Variants in CYB5R4 observed in about 807,000 individuals in gnomAD.
The protein encoded by CYB5R4 is N-terminal cytochrome b5 and cytochrome b5 oxidoreductase domain-containing protein.
A neutral mutation model predicts 70.2 loss-of-function variants in CYB5R4; 55 were observed. That is an observed-to-expected ratio of 0.78 (90% CI 0.63 to 0.98). The LOEUF is 0.98. CYB5R4 is among the 50% of genes least tolerant of loss of function. The pLI is 0.00. For synonymous variants in CYB5R4, 197 were observed against 199.5 expected (o/e 0.99, Z 0.11); for missense variants, 562 against 612.6 (o/e 0.92, Z 0.87).
chr6:83,875,342 C>T (rs991325924), intron 2 of CYB5R4, among the ~76,000 whole-genome samples: 2 of 152,044 alleles, frequency 1.3e-5, no homozygotes, highest in African/African-American at 4.8e-5. Context: ...AACTCCTGGG[C>T]TTAAGCGGTC....
intron 12 of CYB5R4, 24 bp from the exon 13 acceptor site, chr6:83,940,032 T>C (rs769187784): frequency 5.5e-6 from 8 of 1,463,782 alleles, no homozygotes; most frequent in East Asian, 4.7e-5. Context: ...TTTTTTCTGA[T>C]TTAGCTTATG....
chr6:83,910,239 C>A, intron 4 of CYB5R4: 1 of 1,090,180 alleles, frequency 9.2e-7, no homozygotes, highest in South Asian at 1.5e-5. Context: ...TAAAGTCAGT[C>A]AAAGTTCTTT....
intron 8 of CYB5R4, among the ~76,000 whole-genome samples, chr6:83,922,021 A>G (rs1397596819): frequency 3.9e-5 from 6 of 152,168 alleles, no homozygotes; most frequent in Admixed American, 3.3e-4. Context: ...TTGGAGAACA[A>G]TAAGAAAAGG....
At chr6:83,933,472 T>C (rs550676020) in intron 10 of CYB5R4, among the ~76,000 whole-genome samples, 1 of 152,290 alleles carries the variant, frequency 6.6e-6, no homozygotes, top group African/African-American at 2.4e-5. Flanking sequence ...CCCTTCACTT[T>C]CTAAGATCTG....
chr6:83,859,805 CT>C lies in CYB5R4; in HGVS notation c.26del (p.Phe9SerfsTer20). 6.2e-7 allele frequency: 1 copy of C among 1,613,564 alleles called. No individual in the cohort carries two copies. The highest frequency in any genetic ancestry group is 8.5e-7 in the Non-Finnish European group (1 of 1,179,860). MLNVPSQ[S>X]FPAPRSQQRV... ...AAGATGCTGAACGTCCCTTCCCAGT[CT>C]TTCCCGGCCCCCAGGTCGCAGCAGC... is the stretch of plus-strand genomic sequence containing the variant. On this transcript the variant is annotated frameshift_variant, in exon 1 of 16. Coordinates refer to ENST00000369681, the MANE Select transcript of CYB5R4 (RefSeq NM_016230.4). LOFTEE classifies it high-confidence loss of function.
In CYB5R4 at chr6:83,964,309, T is replaced by G. The variant is rs1002204875; in HGVS notation, c.*4431T>G. On this transcript the variant is annotated 3_prime_UTR_variant, in exon 16 of 16. Coordinates refer to ENST00000369681, the MANE Select transcript of CYB5R4 (RefSeq NM_016230.4). ...TTTGACAAAAATACTGATAATGATATGGACAATGAAATCTAGACTGAGGTG... is the reference window on the plus strand; with the variant it reads ...TTTGACAAAAATACTGATAATGATAGGGACAATGAAATCTAGACTGAGGTG... 1 of 152,868 alleles carries G rather than the reference T, an allele frequency of 6.5e-6. No homozygotes were observed. Among genetic ancestry groups the G allele is most frequent in the African/African-American group, 2.4e-5 (1 of 41,430 alleles). 9.5% of individuals were successfully genotyped at this position (152,868 alleles called of 1,614,324 possible). A position where few individuals can be genotyped will look rare whatever the true frequency, so the allele number is the denominator to read the frequency against.
intron 6 of CYB5R4, among the ~76,000 whole-genome samples, chr6:83,918,849 T>C (rs1241153225): frequency 1.3e-5 from 2 of 152,122 alleles, no homozygotes; most frequent in African/African-American, 4.8e-5. Context: ...AATTTTAAGT[T>C]AGGGACTAAG....
intron 14 of CYB5R4, among the ~76,000 whole-genome samples, chr6:83,941,864 T>C (rs2099469822): frequency 6.6e-6 from 1 of 152,198 alleles, no homozygotes; most frequent in African/African-American, 2.4e-5. Flanking sequence ...TTGGAAGCGT[T>C]TATCAAGAAG....
chr6:83,876,315 TA>T (rs1481762535), intron 2 of CYB5R4, among the ~76,000 whole-genome samples: 2 of 152,166 alleles, frequency 1.3e-5, no homozygotes, highest in East Asian at 3.8e-4. Flanking sequence ...TTTTTGTCAT[TA>T]AATACTTTTT....
intron 3 of CYB5R4, among the ~76,000 whole-genome samples, chr6:83,895,504 G>A (rs993405237): frequency 2.0e-5 from 3 of 151,988 alleles, no homozygotes; most frequent in Non-Finnish European, 4.4e-5. Context: ...AAATAGAAAG[G>A]TTTAGGAACA....
chr6:83,873,698 AT>A (rs2099458019), intron 2 of CYB5R4, among the ~76,000 whole-genome samples: 1 of 152,208 alleles, frequency 6.6e-6, no homozygotes, highest in Non-Finnish European at 1.5e-5. Context: ...ATGCGTGTGC[AT>A]TACACCAGGT....
chr6:83,904,132 ATTGT>A, intron 3 of CYB5R4, among the ~76,000 whole-genome samples: 1 of 151,988 alleles, frequency 6.6e-6, no homozygotes, highest in South Asian at 2.1e-4. Flanking sequence ...ACATTGTTAG[ATTGT>A]TTATTTGAAA....
intron 12 of CYB5R4, among the ~76,000 whole-genome samples, chr6:83,938,554 G>A (rs1478859912): frequency 6.6e-6 from 1 of 152,154 alleles, no homozygotes; most frequent in Admixed American, 6.5e-5. Context: ...TCCTCAATGG[G>A]ACATGTAATG....
intron 3 of CYB5R4, among the ~76,000 whole-genome samples, chr6:83,899,083 A>G (rs1588568963): frequency 6.6e-6 from 1 of 152,152 alleles, no homozygotes; most frequent in South Asian, 2.1e-4. Context: ...CCCATTCAGT[A>G]TGATATTGGC....
intron 2 of CYB5R4, among the ~76,000 whole-genome samples, chr6:83,892,305 G>A (rs1442001513): frequency 2.0e-5 from 3 of 151,790 alleles, no homozygotes; most frequent in Non-Finnish European, 4.4e-5. Context: ...ACTTTTCTTG[G>A]GTCTGAAATC....
intron 14 of CYB5R4, among the ~76,000 whole-genome samples, chr6:83,949,131 T>C (rs970887159): frequency 6.6e-6 from 1 of 150,954 alleles, no homozygotes; most frequent in East Asian, 2.0e-4. Flanking sequence ...TTTTTTTTTT[T>C]AGTGAGGTCA....
At chr6:83,942,656 G>C (rs954455917) in intron 14 of CYB5R4, among the ~76,000 whole-genome samples, 9 of 152,306 alleles carry the variant, frequency 5.9e-5, no homozygotes, top group African/African-American at 2.2e-4. Context: ...CAGGGAGCCA[G>C]GTGGTCTTGC....
chr6:83,915,723 A>G (rs757082661), intron 5 of CYB5R4, among the ~76,000 whole-genome samples: 1 of 152,168 alleles, frequency 6.6e-6, no homozygotes, highest in Non-Finnish European at 1.5e-5. Flanking sequence ...ATATCTGTCT[A>G]TCTATATATT....
rs1156490835 is a variant in CYB5R4, at chr6:83,909,028, A to C, written c.350A>C (p.Tyr117Ser). 6.2e-7 allele frequency: 1 copy of C among 1,613,806 alleles called. No individual in the cohort carries two copies. Among genetic ancestry groups the C allele is most frequent in the Non-Finnish European group, 8.5e-7 (1 of 1,179,874 alleles). ...LFDQVHRWVNYESMLKECLVG... is the reference protein window; with the variant it reads ...LFDQVHRWVNSESMLKECLVG... ...TACCAGGTTCATCGTTGGGTCAATT[A>C]TGAATCCATGCTGAAAGAATGCCTG... The change falls in exon 4 of 16, where the codon TAT becomes TCT. Residue 117 changes from tyrosine to serine, a missense_variant. Tyr to Ser is a moderately radical substitution (Grantham distance 144). Coordinates refer to ENST00000369681, the MANE Select transcript of CYB5R4 (RefSeq NM_016230.4).
Sources: allele counts gnomAD v4.1 joint callset (sites outside exome capture counted in the v4.1 genomes callset), GRCh38; gene constraint gnomAD v4.1.1; transcripts MANE v1.5; gene names NCBI Gene and HGNC (gene_info 2026-07-23, HGNC 2026-07-21).